FKBP9: variants seen among roughly 807,000 people sequenced by gnomAD.
The protein encoded by FKBP9 is peptidyl-prolyl cis-trans isomerase FKBP9.
In FKBP9, 27 loss-of-function variants were observed where a neutral mutation model predicts 55.6. The ratio of observed to expected loss-of-function variants is 0.49; its 90% CI spans 0.36 to 0.67. The LOEUF (loss-of-function observed/expected upper bound fraction) is 0.67. Among genes scored for constraint, FKBP9 ranks in the 30% least tolerant of loss-of-function variants. FKBP9 has a pLI of 0.00. For synonymous variants in FKBP9, 267 were observed against 296.5 expected (o/e 0.90, Z 1.02); for missense variants, 539 against 742.8 (o/e 0.73, Z 3.19).
At chr7:32,963,402 G>C (rs948547575) in intron 1 of FKBP9, 71 of 396,664 alleles carry the variant, frequency 1.8e-4, no homozygotes, top group African/African-American at 1.3e-3. Flanking sequence ...TCAGAATCTT[G>C]TGAAGGGAAG....
In FKBP9 at chr7:33,002,639, C is replaced by T. The variant is rs185964540; in HGVS notation, c.1373-37C>T. 2.0e-3 allele frequency: 3,193 copies of T among 1,604,178 alleles called. 50 individuals are homozygous for T. The African/African-American group carries it at 0.038, about 19-fold the overall frequency. Reference sequence around the variant, plus strand: ...GTTGTTGGGCTTGACTGCTGCCTGCCGGCTGACACCGCCTCCCGCTCCTGT... The same window carrying T: ...GTTGTTGGGCTTGACTGCTGCCTGCTGGCTGACACCGCCTCCCGCTCCTGT... On this transcript the variant is annotated intron_variant, in intron 8 of 9. Transcript: ENST00000242209.
intron 1 of FKBP9, among the ~76,000 whole-genome samples, chr7:32,964,555 C>T (rs1440253458): frequency 4.6e-5 from 7 of 152,136 alleles, no homozygotes; most frequent in East Asian, 1.9e-4. Context: ...TGAATGGAGG[C>T]GTTCTCTTTC....
chr7:32,993,939 G>A lies in FKBP9; in HGVS notation c.1040-2224G>A, dbSNP rs1784733984. Among the ~76,000 whole-genome samples the A allele has an allele frequency of 2.0e-5, 3 of 152,064 alleles. No individual in the cohort carries two copies. The South Asian group carries it at 6.2e-4, about 32-fold the overall frequency. On this transcript the variant is annotated intron_variant, in intron 6 of 9. Transcript: ENST00000242209. ...AGTTCGTCTGGTGATGAACACTTAG[G>A]CTGTTTCTACTTTTTGTCTGTTGTG...
At chr7:32,971,205 G>T (rs1433275678) in intron 1 of FKBP9, among the ~76,000 whole-genome samples, 1 of 152,194 alleles carries the variant, frequency 6.6e-6, no homozygotes, top group African/African-American at 2.4e-5. Flanking sequence ...TGCTGCCCAT[G>T]AGTTTGTGCC....
chr7:32,969,588 T>G (rs1784214775), intron 1 of FKBP9, among the ~76,000 whole-genome samples: 1 of 152,138 alleles, frequency 6.6e-6, no homozygotes, highest in Admixed American at 6.6e-5. Context: ...TGTGTCTGTA[T>G]TTGGGTCAGT....
At chr7:33,003,193 A>T (rs1365141945) in intron 9 of FKBP9, among the ~76,000 whole-genome samples, 1 of 152,158 alleles carries the variant, frequency 6.6e-6, no homozygotes, top group Non-Finnish European at 1.5e-5. Context: ...CTGCACAGAG[A>T]AGGTAAATGA....
intron 1 of FKBP9, among the ~76,000 whole-genome samples, chr7:32,970,050 AT>A (rs1784223185): frequency 6.7e-6 from 1 of 148,462 alleles, no homozygotes; most frequent in Non-Finnish European, 1.5e-5. Context: ...TTTTTTTTCT[AT>A]TTCTGCAAAA....
chr7:32,990,756 C>G (rs1784664343), intron 6 of FKBP9, among the ~76,000 whole-genome samples: 1 of 152,152 alleles, frequency 6.6e-6, no homozygotes, highest in South Asian at 2.1e-4. Flanking sequence ...TTTTTGTATT[C>G]TTTTGCTGAT....
intron 7 of FKBP9, among the ~76,000 whole-genome samples, chr7:32,996,986 G>A (rs550397301): frequency 6.0e-5 from 9 of 150,806 alleles, no homozygotes; most frequent in African/African-American, 2.2e-4. Flanking sequence ...AGTAGAGACG[G>A]GGTTTCACCT....
rs538442289 is a variant in FKBP9, at chr7:32,996,203, T to G, written c.1080T>G (p.His360Gln). ...PGSAVLVFDI[H>Q]VIDFHNPSDS... ...CGGCTGTGCTGGTGTTTGACATCCA[T>G]GTGATCGACTTCCACAACCCTTCGG... Residue 360 changes from histidine to glutamine, a missense_variant, in exon 7 of 10, where the codon CAT becomes CAG. His to Gln is a conservative substitution (Grantham distance 24). Around this residue, in one of 4 missense-constraint regions of FKBP9, gnomAD observed 172 missense variants for 205.3 expected, o/e 0.84. Transcript: ENST00000242209. 61 of 1,614,072 alleles carry G rather than the reference T, an allele frequency of 3.8e-5. No homozygotes were observed. The highest frequency in any genetic ancestry group is 4.9e-5 in the Non-Finnish European group (58 of 1,180,042).
At chr7:32,977,100 G>T (rs1261788207) in intron 4 of FKBP9, among the ~76,000 whole-genome samples, 2 of 152,190 alleles carry the variant, frequency 1.3e-5, no homozygotes, top group Non-Finnish European at 2.9e-5. Flanking sequence ...TGTAATGTTA[G>T]AAAACACATT....
intron 1 of FKBP9, among the ~76,000 whole-genome samples, chr7:32,964,180 G>A (rs1408957314): frequency 1.3e-5 from 2 of 152,206 alleles, no homozygotes; most frequent in African/African-American, 4.8e-5. Flanking sequence ...GCTAACTAGG[G>A]GAAGATCCTA....
At chr7:32,980,873 G>A (rs1166465125) in intron 5 of FKBP9, among the ~76,000 whole-genome samples, 1 of 151,682 alleles carries the variant, frequency 6.6e-6, no homozygotes, top group Non-Finnish European at 1.5e-5. Flanking sequence ...TAGCTAGGAC[G>A]ATAGGCGTGT....
In FKBP9 at chr7:32,957,663, G is replaced by T. The variant is rs774602691; in HGVS notation, c.90G>T (p.Leu30=). 5 of 1,509,128 alleles carry T rather than the reference G, an allele frequency of 3.3e-6. No homozygotes were observed. The African/African-American group carries it at 7.2e-5, about 22-fold the overall frequency. The allele number at this position is 1,509,128 out of a possible 1,614,324, so 93.5% of individuals were successfully genotyped here. A position where few individuals can be genotyped will look rare whatever the true frequency, so the allele number is the denominator to read the frequency against. ...VTGQAAPVAG[L]GSDAELQIER... ...GGCAGGCAGCGCCCGTGGCGGGCCTGGGCTCCGACGCGGAGCTGCAGATCG... is the reference window on the plus strand; with the variant it reads ...GGCAGGCAGCGCCCGTGGCGGGCCTTGGCTCCGACGCGGAGCTGCAGATCG... The change falls in exon 1 of 10, where the codon CTG becomes CTT. Residue 30 remains leucine (L), a synonymous_variant. Transcript: ENST00000242209.
At chr7:32,963,783 C>G in intron 1 of FKBP9, 1 of 1,278,276 alleles carries the variant, frequency 7.8e-7, no homozygotes, top group Non-Finnish European at 9.9e-7. Context: ...CAATAAGCTC[C>G]CCATGCTGCA....
rs548747215 is a variant in FKBP9, at chr7:32,975,054, T to G, written c.368-128T>G. On this transcript the variant is annotated intron_variant, in intron 2 of 9. Coordinates refer to ENST00000242209, the MANE Select transcript of FKBP9 (RefSeq NM_007270.5). ...AAGAGGGAGGAAGAATGGGTCATTT[T>G]GGGATTGTATAGCGGTGACTGCTTG... 221 of 741,412 alleles carry G rather than the reference T, an allele frequency of 3.0e-4. 1 individual carries two copies. Among genetic ancestry groups the G allele is most frequent in the Admixed American group, 1.2e-3 (43 of 35,872 alleles). 45.9% of individuals were successfully genotyped at this position (741,412 alleles called of 1,614,324 possible).
rs536617839 is a variant in FKBP9, at chr7:32,973,971, C to T, written c.222-646C>T. On this transcript the variant is annotated intron_variant, in intron 1 of 9. Transcript: ENST00000242209. ...CCTCCCAAAGTGTTGGGATTACAGG[C>T]GTGAGCCACTGCACCTGGCTGTAAA... Among the ~76,000 whole-genome samples, 16 of 151,522 alleles carry T rather than the reference C, an allele frequency of 1.1e-4. No homozygotes were observed. In the East Asian group the frequency reaches 1.6e-3, roughly 15 times the overall value.
At chr7:32,985,992 C>CA (rs944962170) in intron 5 of FKBP9, among the ~76,000 whole-genome samples, 2 of 151,408 alleles carry the variant, frequency 1.3e-5, no homozygotes, top group Admixed American at 6.6e-5. Flanking sequence ...GACTGTGTCT[C>CA]AAAAAAAAGA....
chr7:32,967,529 G>A (rs991995833), intron 1 of FKBP9, among the ~76,000 whole-genome samples: 6 of 152,226 alleles, frequency 3.9e-5, no homozygotes, highest in African/African-American at 1.4e-4. Context: ...ATCTCCTCAA[G>A]GTTCATCCAT....
Sources: gnomAD v4.1 joint callset for allele counts (sites outside exome capture counted in the v4.1 genomes callset) on GRCh38, gnomAD v4.1.1 for gene constraint, gnomAD v4.1.1 regional missense constraint, MANE v1.5 for transcripts, NCBI Gene and HGNC (gene_info 2026-07-23, HGNC 2026-07-21) for gene names.